Variants in ARHGEF3 observed in about 807,000 individuals in gnomAD.
ARHGEF3 encodes the protein 59.8 kDA protein.
In ARHGEF3, 28 loss-of-function variants were observed where a neutral mutation model predicts 63.2. The ratio of observed to expected loss-of-function variants is 0.44; its 90% CI spans 0.33 to 0.61. The LOEUF is 0.61. Ranked by LOEUF, ARHGEF3 falls within the 20% of genes least tolerant of loss-of-function variation. The pLI is 0.03. For synonymous variants in ARHGEF3, 266 were observed against 254.2 expected (o/e 1.05, Z -0.44); for missense variants, 533 against 659.3 (o/e 0.81, Z 2.10).
chr3:56,779,555 C>T lies in ARHGEF3; in HGVS notation c.97-5739G>A, dbSNP rs137860774. Among the ~76,000 whole-genome samples, 925 of 152,056 alleles carry T rather than the reference C, an allele frequency of 6.1e-3. 16 individuals carry two copies. The highest frequency in any genetic ancestry group is 0.021 in the African/African-American group (871 of 41,440). On this transcript the variant is annotated intron_variant, in intron 1 of 9. Transcript: ENST00000296315. Reference sequence around the variant, plus strand: ...TCGCGCAGGCTGGAGTGCAGTGGCGCCATCTTGGCTCACTGCAAGCTCCGC... The same window carrying T: ...TCGCGCAGGCTGGAGTGCAGTGGCGTCATCTTGGCTCACTGCAAGCTCCGC...
upstream of ARHGEF3, among the ~76,000 whole-genome samples, chr3:56,803,802 A>G (rs1256063510): frequency 6.6e-6 from 1 of 152,304 alleles, no homozygotes; most frequent in African/African-American, 2.4e-5. Context: ...CCCTGTCTCA[A>G]GAGAAAAAAA....
Position 57,062,468 on chromosome 3 carries a change from G to C in ARHGEF3, c.-28+16758C>G, listed in dbSNP as rs1299160141. 3.3e-5 allele frequency among the ~76,000 whole-genome samples: 5 copies of C among 152,312 alleles called. No homozygotes were observed. The East Asian group carries it at 9.6e-4, about 29-fold the overall frequency. On this transcript the variant is annotated intron_variant, in intron 1 of 12. Coordinates refer to the ARHGEF3 transcript ENST00000338458. ...GAGCACGGCGGCGGGGGCGGGGGGT[G>C]CTCAGGAGCATGGGGAAGCCTTTCA...
intron 7 of ARHGEF3, among the ~76,000 whole-genome samples, chr3:56,738,866 A>G (rs1157478024): frequency 6.6e-6 from 1 of 152,084 alleles, no homozygotes; most frequent in Non-Finnish European, 1.5e-5. Context: ...CAAGGAAGGC[A>G]TATCACTTGA....
chr3:56,770,096 C>G (rs115212118), intron 2 of ARHGEF3, among the ~76,000 whole-genome samples: 2,973 of 152,252 alleles, frequency 0.02, 108 homozygotes, highest in African/African-American at 0.068. Flanking sequence ...TCCCCCTCAT[C>G]CTTACTGCTC....
At chr3:56,764,207 G>A (rs1308981908) in intron 2 of ARHGEF3, among the ~76,000 whole-genome samples, 1 of 152,120 alleles carries the variant, frequency 6.6e-6, no homozygotes, top group Non-Finnish European at 1.5e-5. Context: ...TAGGTGTAGA[G>A]AAAATATTAT....
intron 3 of ARHGEF3, among the ~76,000 whole-genome samples, chr3:56,915,122 A>T (rs1343878750): frequency 6.6e-6 from 1 of 152,214 alleles, no homozygotes; most frequent in Non-Finnish European, 1.5e-5. Context: ...AGTTCTGATG[A>T]GAAGAATAGA....
At chr3:56,897,844 C>T (rs539111538) in intron 3 of ARHGEF3, among the ~76,000 whole-genome samples, 5 of 152,080 alleles carry the variant, frequency 3.3e-5, no homozygotes, top group South Asian at 2.1e-4. Flanking sequence ...GGATTACAGG[C>T]GTGAGCCACC....
intron 2 of ARHGEF3, among the ~76,000 whole-genome samples, chr3:57,021,737 G>C (rs1203580933): frequency 6.8e-6 from 1 of 146,734 alleles, no homozygotes; most frequent in Non-Finnish European, 1.5e-5. Flanking sequence ...TGGCGACAGA[G>C]GAAGACGCCA....
chr3:56,838,907 A>C (rs1283316836), intron 4 of ARHGEF3, among the ~76,000 whole-genome samples: 1 of 152,070 alleles, frequency 6.6e-6, no homozygotes, highest in Non-Finnish European at 1.5e-5. Flanking sequence ...AGGTGGGAGG[A>C]TCATTTGAGC....
intron 4 of ARHGEF3, among the ~76,000 whole-genome samples, chr3:56,807,510 T>G (rs1025908624): frequency 6.6e-6 from 1 of 152,204 alleles, no homozygotes; most frequent in Non-Finnish European, 1.5e-5. Context: ...AAGTCATCTC[T>G]TCTACCTGCT....
upstream of ARHGEF3, among the ~76,000 whole-genome samples, chr3:56,804,717 T>C (rs1444899713): frequency 2.0e-5 from 3 of 152,294 alleles, no homozygotes; most frequent in East Asian, 3.9e-4. Context: ...GAACCACTGA[T>C]TTTTCCTATT....
chr3:56,947,483 C>T (rs1699572269), intron 3 of ARHGEF3, among the ~76,000 whole-genome samples: 1 of 152,116 alleles, frequency 6.6e-6, no homozygotes, highest in African/African-American at 2.4e-5. Context: ...CAATCCTAGT[C>T]TCTGATAAAA....
intron 2 of ARHGEF3, among the ~76,000 whole-genome samples, chr3:57,028,787 C>T (rs1365298300): frequency 1.3e-5 from 2 of 151,638 alleles, no homozygotes; most frequent in East Asian, 1.9e-4. Flanking sequence ...TGGGTTGCGA[C>T]GATGTTTGGA....
intron 1 of ARHGEF3, among the ~76,000 whole-genome samples, chr3:57,057,367 T>C (rs942055830): frequency 1.3e-5 from 2 of 152,216 alleles, no homozygotes; most frequent in African/African-American, 2.4e-5. Context: ...TGCCTTGGCC[T>C]CCCAAAATGC....
chr3:57,038,887 T>G (rs1281071939), intron 1 of ARHGEF3, among the ~76,000 whole-genome samples: 2 of 152,200 alleles, frequency 1.3e-5, no homozygotes, highest in Admixed American at 1.3e-4. Flanking sequence ...ATTTTGCAGA[T>G]GGCAAAACCA....
chr3:57,060,314 A>G (rs1186894358), intron 1 of ARHGEF3: 9 of 152,274 alleles, frequency 5.9e-5, no homozygotes, highest in African/African-American at 2.2e-4. Flanking sequence ...AAAAAAAAAA[A>G]AAAGGAACTT....
At chr3:57,058,707 G>A (rs552323394) in intron 1 of ARHGEF3, among the ~76,000 whole-genome samples, 9 of 151,972 alleles carry the variant, frequency 5.9e-5, no homozygotes, top group Admixed American at 6.6e-5. Context: ...TGTTTATTGC[G>A]GCACTATTCA....
Position 56,732,464 on chromosome 3 carries a change from T to C in ARHGEF3, c.1042-40A>G, listed in dbSNP as rs542211797. On this transcript the variant is annotated intron_variant, in intron 8 of 9. Coordinates refer to ENST00000296315, the MANE Select transcript of ARHGEF3 (RefSeq NM_019555.3). ...TCCACAAGCTTTCATTAAGCAATAA[T>C]GTAATGAGTGGTTGATATGTGGACC... The C allele has an allele frequency of 3.7e-6, 6 of 1,607,118 alleles. No individual in the cohort carries two copies. In the South Asian group the frequency reaches 4.4e-5, roughly 12 times the overall value.
upstream of ARHGEF3, chr3:56,801,961 C>A: frequency 6.5e-7 from 1 of 1,528,464 alleles, no homozygotes. Flanking sequence ...GGCTCCGGAG[C>A]CGAGTGGGCG....
Sources: allele counts gnomAD v4.1 joint callset (sites outside exome capture counted in the v4.1 genomes callset), GRCh38; gene constraint gnomAD v4.1.1; transcripts MANE v1.5; gene names NCBI Gene and HGNC (gene_info 2026-07-23, HGNC 2026-07-21).